Variants in CSNK1G1 observed in about 807,000 individuals in gnomAD.
CSNK1G1 encodes casein kinase I isoform gamma-1.
A neutral mutation model predicts 59.6 loss-of-function variants in CSNK1G1; 22 were observed. The observed-to-expected ratio is 0.37, with a 90% CI of 0.26 to 0.53. CSNK1G1 has a LOEUF of 0.53. CSNK1G1 is among the 20% of genes least tolerant of loss of function. The pLI is 0.89. For synonymous variants in CSNK1G1, 179 were observed against 177.1 expected, an observed-to-expected ratio of 1.01 and a Z score of -0.08; for missense variants, 384 against 519.5, an observed-to-expected ratio of 0.74 and a Z score of 2.54.
intron 1 of CSNK1G1, among the ~76,000 whole-genome samples, chr15:64,338,992 G>A (rs1596296588): frequency 3.3e-5 from 5 of 152,174 alleles, no homozygotes; most frequent in Admixed American, 2.0e-4. Flanking sequence ...ACTACAGCCT[G>A]GGCAACAAGA....
chr15:64,313,600 G>T (rs564701940), intron 1 of CSNK1G1, among the ~76,000 whole-genome samples: 8 of 152,144 alleles, frequency 5.3e-5, no homozygotes, highest in Middle Eastern at 3.4e-3. Context: ...GGGCCTGTTG[G>T]GGGGTGTGGG....
At chr15:64,218,398 T>C (rs1596110412) in intron 4 of CSNK1G1, among the ~76,000 whole-genome samples, 1 of 142,984 alleles carries the variant, frequency 7.0e-6, no homozygotes, top group African/African-American at 2.5e-5. Context: ...CCTAAACAAC[T>C]TTTTTTTTTT....
chr15:64,263,822 CAAAAAAAA>C (rs869123397), intron 2 of CSNK1G1, among the ~76,000 whole-genome samples: 2 of 53,800 alleles, frequency 3.7e-5, no homozygotes, highest in African/African-American at 1.5e-4. Flanking sequence ...TTTTGTTTAC[CAAAAAAAA>C]AAAAAAAAAA....
intron 2 of CSNK1G1, among the ~76,000 whole-genome samples, chr15:64,264,222 A>G (rs1892859574): frequency 6.6e-6 from 1 of 152,226 alleles, no homozygotes. Flanking sequence ...TGAAAGTTGT[A>G]TTTTTACAAT....
rs144686943 is a variant in CSNK1G1, at chr15:64,292,156, G to C, written c.181+8163C>G. Among the ~76,000 whole-genome samples, 1,052 of 150,136 alleles carry C rather than the reference G, an allele frequency of 7.0e-3. 17 individuals carry two copies. The highest frequency in any genetic ancestry group is 0.025 in the African/African-American group (1,008 of 40,734). On this transcript the variant is annotated intron_variant, in intron 2 of 11. Coordinates refer to ENST00000303052, the MANE Select transcript of CSNK1G1 (RefSeq NM_022048.5). ...ACCTGGGAGGCGGAGCTTGCAGTCA[G>C]CCAAGATCGAGCCACTGCACTCCAG...
chr15:64,224,704 T>C, intron 4 of CSNK1G1, among the ~76,000 whole-genome samples: 1 of 152,236 alleles, frequency 6.6e-6, no homozygotes, highest in East Asian at 1.9e-4. Context: ...TACAATCATC[T>C]TGTTTAAAGG....
chr15:64,203,422 G>A (rs954187629), intron 9 of CSNK1G1, among the ~76,000 whole-genome samples: 1 of 152,154 alleles, frequency 6.6e-6, no homozygotes, highest in Non-Finnish European at 1.5e-5. Flanking sequence ...CCAGGGCCGG[G>A]CGCGGTGGCT....
intron 2 of CSNK1G1, among the ~76,000 whole-genome samples, chr15:64,266,167 A>C (rs1186527304): frequency 6.6e-6 from 1 of 152,120 alleles, no homozygotes; most frequent in East Asian, 1.9e-4. Context: ...GGTTCAAGCA[A>C]TTCTCCTGCC....
intron 2 of CSNK1G1, among the ~76,000 whole-genome samples, chr15:64,264,564 T>C (rs753215098): frequency 3.9e-5 from 6 of 152,070 alleles, no homozygotes; most frequent in Admixed American, 1.3e-4. Flanking sequence ...CAGGCCAGGA[T>C]AAAACAAAAT....
At chr15:64,197,519 C>G (rs1387740424) in intron 10 of CSNK1G1, among the ~76,000 whole-genome samples, 1 of 152,222 alleles carries the variant, frequency 6.6e-6, no homozygotes, top group African/African-American at 2.4e-5. Flanking sequence ...TCTGCAACAG[C>G]TTTGACTCTT....
At position 64,242,993 on chromosome 15, in the gene CSNK1G1, T is replaced by C. The variant is rs149226276; in HGVS notation, c.292+8519A>G. ...GGACAAAACCGTATGATCATCTCAA[T>C]AGACACAGAAAAGGCATTTGATAAA... is the stretch of plus-strand genomic sequence containing the variant. On this transcript the variant is annotated intron_variant, in intron 4 of 11. Transcript: ENST00000303052. Among the ~76,000 whole-genome samples the C allele has an allele frequency of 3.4e-4, 52 of 152,146 alleles. No homozygotes were observed. In the East Asian group the frequency reaches 3.9e-3, roughly 11 times the overall value.
Position 64,225,924 on chromosome 15 carries a change from G to T in CSNK1G1, c.293-9211C>A, listed in dbSNP as rs2082455099. On this transcript the variant is annotated intron_variant, in intron 4 of 11. Transcript: ENST00000303052. ...TTACAGGCGTGAGACACTGCTCCCG[G>T]CTTACCATATTCTTTTAATTCAATA... Among the ~76,000 whole-genome samples the T allele has an allele frequency of 3.3e-5, 5 of 152,140 alleles. No homozygotes were observed. In the South Asian group the frequency reaches 1.0e-3, roughly 31 times the overall value.
At chr15:64,352,447 C>CTTCTTTTTTTTT (rs1566958699) in intron 1 of CSNK1G1, among the ~76,000 whole-genome samples, 1 of 89,408 alleles carries the variant, frequency 1.1e-5, no homozygotes, top group African/African-American at 4.4e-5. Flanking sequence ...TTGAATTCTT[C>CTTCTTTTTTTTT]TTTTTTTTTT....
intron 1 of CSNK1G1, among the ~76,000 whole-genome samples, chr15:64,346,895 T>C (rs1898009250): frequency 6.6e-6 from 1 of 151,970 alleles, no homozygotes; most frequent in South Asian, 2.1e-4. Flanking sequence ...CTGGAAAAAA[T>C]ATTTGCAAAA....
intron 3 of CSNK1G1, among the ~76,000 whole-genome samples, chr15:64,255,787 T>C (rs182115873): frequency 2.0e-5 from 3 of 152,318 alleles, no homozygotes; most frequent in Admixed American, 1.3e-4. Context: ...AATTCAGAAG[T>C]TTCTCCGAAG....
chr15:64,225,993 C>G (rs2082456157), intron 4 of CSNK1G1, among the ~76,000 whole-genome samples: 1 of 152,186 alleles, frequency 6.6e-6, no homozygotes, highest in South Asian at 2.1e-4. Context: ...GAGCCACCCG[C>G]TCAAGCCCGC....
chr15:64,267,264 AAAAAAAAAAAAG>A (rs1351197540), intron 2 of CSNK1G1, among the ~76,000 whole-genome samples: 53 of 151,540 alleles, frequency 3.5e-4, no homozygotes, highest in Non-Finnish European at 7.1e-4. Context: ...CTCAAAAAAA[AAAAAAAAAAAAG>A]AAAAGAAAAG....
In CSNK1G1 at chr15:64,238,429, G is replaced by A. The variant is rs1331580839; in HGVS notation, c.292+13083C>T. Among the ~76,000 whole-genome samples the A allele has an allele frequency of 3.5e-5, 5 of 142,708 alleles. No homozygotes were observed. In the East Asian group the frequency reaches 1.0e-3, roughly 29 times the overall value. The allele number at this position is 142,708 out of a possible 152,430, so 93.6% of individuals were successfully genotyped here. ...GATCTCTTGAGCCCAGGAGTTTGAG[G>A]CTGCAGTAAGCTATGATCACGCCAC... On this transcript the variant is annotated intron_variant, in intron 4 of 11. Coordinates refer to ENST00000303052, the MANE Select transcript of CSNK1G1 (RefSeq NM_022048.5).
intron 4 of CSNK1G1, among the ~76,000 whole-genome samples, chr15:64,242,213 C>CA (rs540358093): frequency 6.6e-6 from 1 of 152,118 alleles, no homozygotes. Flanking sequence ...CTTATTCCAT[C>CA]AAAGGAAAGG....
Sources: allele counts gnomAD v4.1 joint callset (sites outside exome capture counted in the v4.1 genomes callset), GRCh38; gene constraint gnomAD v4.1.1; transcripts MANE v1.5; gene names NCBI Gene and HGNC (gene_info 2026-07-23, HGNC 2026-07-21).